The following PLAC1 variants were observed in gnomAD, a reference collection of about 807,000 sequenced individuals.
PLAC1 encodes placenta associated 1.
For synonymous variants in PLAC1, 68 were observed against 62.1 expected (o/e 1.09, Z -0.44); for missense variants, 136 against 163.2 (o/e 0.83, Z 0.91).
chrX:134,658,154 A>C (rs1159997480), intron 1 of PLAC1, among the ~76,000 whole-genome samples, 174 bp downstream of exon 1: 1 of 112,499 alleles, frequency 8.9e-6, no homozygotes, highest in African/African-American at 3.2e-5. Flanking sequence ...CTGGAGGGCA[A>C]TAATTGCATG....
chrX:134,586,839 T>TTGTGTGTGTG (rs757041226), intron 2 of PLAC1, among the ~76,000 whole-genome samples: 2,988 of 76,543 alleles, frequency 0.039, 75 homozygotes, highest in South Asian at 0.082. Flanking sequence ...CCCAGCTAAT[T>TTGTGTGTGTG]TGTGTGTGTG....
intron 1 of PLAC1, among the ~76,000 whole-genome samples, chrX:134,603,223 G>A (rs1412313328): frequency 2.3e-5 from 2 of 86,773 alleles, no homozygotes; most frequent in Admixed American, 1.4e-4. Context: ...GGATGGGGAG[G>A]AGTGGGGCAG....
chrX:134,679,768 T>C (rs2078487722), intron 2 of PLAC1, among the ~76,000 whole-genome samples: 1 of 112,223 alleles, frequency 8.9e-6, no homozygotes, highest in South Asian at 3.7e-4. Flanking sequence ...TCAACTCTTA[T>C]TCATAAAAGA....
intron 1 of PLAC1, chrX:134,607,444 T>C: frequency 7.5e-6 from 1 of 132,847 alleles, no homozygotes; most frequent in Non-Finnish European, 1.5e-5. Flanking sequence ...AAGCACTTTA[T>C]TAAGAGCCAA....
At chrX:134,625,397 C>T (rs2078231732) in intron 1 of PLAC1, among the ~76,000 whole-genome samples, 2 of 112,314 alleles carry the variant, frequency 1.8e-5, no homozygotes, top group Non-Finnish European at 3.8e-5. Context: ...ATGATTTGGT[C>T]ATTACCATTT....
intron 2 of PLAC1, among the ~76,000 whole-genome samples, chrX:134,576,190 ATATC>A (rs1418969725): frequency 1.8e-5 from 2 of 108,159 alleles, no homozygotes; most frequent in Non-Finnish European, 3.8e-5. Flanking sequence ...TATCTATTCT[ATATC>A]TATATATTCT....
At chrX:134,735,846 C>A (rs1038709867) in intron 1 of PLAC1, among the ~76,000 whole-genome samples, 20 of 108,265 alleles carry the variant, frequency 1.8e-4, no homozygotes, top group Non-Finnish European at 2.9e-4. Flanking sequence ...TGTCTCTGGG[C>A]ACCAAGAAAG....
chrX:134,590,861 C>A (rs192200048), intron 2 of PLAC1, among the ~76,000 whole-genome samples: 70 of 102,728 alleles, frequency 6.8e-4, no homozygotes, highest in African/African-American at 2.1e-3. Flanking sequence ...CCCTCCCCCC[C>A]CACCCCACCC....
At chrX:134,577,747 A>ATG (rs1431273450) in intron 2 of PLAC1, among the ~76,000 whole-genome samples, 1 of 78,598 alleles carries the variant, frequency 1.3e-5, no homozygotes, top group Non-Finnish European at 2.4e-5. Context: ...GTGTGCATGC[A>ATG]TGCGTGTGTG....
intron 2 of PLAC1, among the ~76,000 whole-genome samples, chrX:134,723,821 AT>A (rs1314553258): frequency 2.7e-5 from 3 of 111,791 alleles, no homozygotes; most frequent in Non-Finnish European, 5.6e-5. Flanking sequence ...TTTACAACAG[AT>A]TGGAAATAAA....
intron 2 of PLAC1, among the ~76,000 whole-genome samples, chrX:134,585,815 T>G (rs760772307): frequency 1.8e-5 from 2 of 111,265 alleles, no homozygotes; most frequent in African/African-American, 6.5e-5. Context: ...TCCCTCTCGG[T>G]ATAGGTTACC....
At chrX:134,578,738 C>A (rs956073682) in intron 2 of PLAC1, among the ~76,000 whole-genome samples, 5 of 107,445 alleles carry the variant, frequency 4.7e-5, no homozygotes, top group Non-Finnish European at 9.6e-5. Flanking sequence ...TCATGTGATG[C>A]CTGTCTTTGG....
chrX:134,613,673 A>G (rs750828321), intron 1 of PLAC1, among the ~76,000 whole-genome samples: 2 of 111,354 alleles, frequency 1.8e-5, no homozygotes, highest in Admixed American at 1.9e-4. Flanking sequence ...TGCTCCTTAC[A>G]GAGAGAAAGG....
At chrX:134,571,439 A>T (rs2077907687) in intron 2 of PLAC1, among the ~76,000 whole-genome samples, 1 of 111,258 alleles carries the variant, frequency 9.0e-6, no homozygotes, top group Non-Finnish European at 1.9e-5. Context: ...GATACTGGTC[A>T]AAAAGTAAAA....
chrX:134,643,365 C>T (rs1339765338), intron 1 of PLAC1, among the ~76,000 whole-genome samples: 1 of 111,488 alleles, frequency 9.0e-6, no homozygotes, highest in East Asian at 2.8e-4. Context: ...ATCCCTTTAC[C>T]AAACAAACAA....
At chrX:134,745,962 A>T (rs760500820) in intron 1 of PLAC1, among the ~76,000 whole-genome samples, 3 of 111,557 alleles carry the variant, frequency 2.7e-5, no homozygotes, top group Non-Finnish European at 5.7e-5. Context: ...GGGTTAGAAA[A>T]CACCAGCGTT....
chrX:134,630,785 C>T (rs1011370062), intron 1 of PLAC1, among the ~76,000 whole-genome samples: 2 of 111,877 alleles, frequency 1.8e-5, no homozygotes, highest in African/African-American at 6.5e-5. Flanking sequence ...GAAATGGGAA[C>T]ATTATTATTA....
chrX:134,649,361 T>C (rs776442260), intron 1 of PLAC1, among the ~76,000 whole-genome samples: 1 of 111,448 alleles, frequency 9.0e-6, no homozygotes, highest in Admixed American at 9.5e-5. Flanking sequence ...CTTTTGAGGT[T>C]ATTTACATCT....
In PLAC1 at chrX:134,601,639, A is replaced by G. The variant is rs985155602; in HGVS notation, c.-59+412T>C. ...TCCTGTTATACAGCATAAGTGCTAG[A>G]GGCATAACACATGTACAAAGATGGT... On this transcript the variant is annotated intron_variant, in intron 2 of 2. Coordinates refer to ENST00000359237, the MANE Select transcript of PLAC1 (RefSeq NM_021796.4). The G allele has an allele frequency of 4.4e-5, 5 of 112,704 alleles. No homozygotes were observed. In the Admixed American group the frequency reaches 4.7e-4, roughly 11 times the overall value. The allele number at this position is 112,704 out of a possible 1,213,427, so 9.3% of individuals were successfully genotyped here. A position where few individuals can be genotyped will look rare whatever the true frequency, so the allele number is the denominator to read the frequency against.
Sources: allele counts gnomAD v4.1 joint callset (sites outside exome capture counted in the v4.1 genomes callset), GRCh38; gene constraint gnomAD v4.1.1; transcripts MANE v1.5; gene names NCBI Gene and HGNC (gene_info 2026-07-23, HGNC 2026-07-21).